Variants in ZSWIM6 observed in about 807,000 individuals in gnomAD.
ZSWIM6 encodes the protein zinc finger SWIM-type containing 6, also known as zinc finger SWIM domain-containing protein 6.
Under a neutral mutation model 113.2 loss-of-function variants are expected in ZSWIM6, and 9 were observed. That is an observed-to-expected ratio of 0.08 (90% CI 0.05 to 0.14). The LOEUF (loss-of-function observed/expected upper bound fraction) is 0.14. Among genes scored for constraint, ZSWIM6 ranks in the 10% least tolerant of loss-of-function variants. The pLI is 1.00. For synonymous variants in ZSWIM6, 611 were observed against 606.5 expected (o/e 1.01, Z -0.11); for missense variants, 1,162 against 1,552.2 (o/e 0.75, Z 4.22).
chr5:61,458,069 T>C (rs1477591013), intron 1 of ZSWIM6, among the ~76,000 whole-genome samples: 1 of 152,190 alleles, frequency 6.6e-6, no homozygotes, highest in African/African-American at 2.4e-5. Context: ...CATCACCTAT[T>C]CTCAAGAATG....
intron 1 of ZSWIM6, among the ~76,000 whole-genome samples, chr5:61,414,729 A>G (rs1013501400): frequency 2.6e-5 from 4 of 152,202 alleles, no homozygotes; most frequent in East Asian, 1.9e-4. Context: ...TGTGCTCATT[A>G]AATATGGTTG....
intron 2 of ZSWIM6, among the ~76,000 whole-genome samples, chr5:61,477,741 T>C (rs1747742609): frequency 6.6e-6 from 1 of 152,212 alleles, no homozygotes; most frequent in South Asian, 2.1e-4. Context: ...TAGCTCTTCA[T>C]TTTCATTTGA....
chr5:61,333,009 G>GGGCGGCGC, intron 1 of ZSWIM6, 61 bp downstream of exon 1: 1 of 439,908 alleles, frequency 2.3e-6, no homozygotes, highest in Non-Finnish European at 3.2e-6. Flanking sequence ...TGGGGGGGGG[G>GGGCGGCGC]TGCCCGCCTT....
At chr5:61,440,331 T>G (rs1373943162) in intron 1 of ZSWIM6, among the ~76,000 whole-genome samples, 1 of 103,210 alleles carries the variant, frequency 9.7e-6, no homozygotes, top group Non-Finnish European at 2.0e-5. Flanking sequence ...AAAAGAAAAA[T>G]GGCAGCCTCT....
At chr5:61,335,865 C>A (rs1393020926) in intron 1 of ZSWIM6, among the ~76,000 whole-genome samples, 2 of 152,130 alleles carry the variant, frequency 1.3e-5, no homozygotes, top group African/African-American at 4.8e-5. Flanking sequence ...AAAAAATAAA[C>A]CTTTGTTATA....
chr5:61,342,454 A>G (rs1174492841), intron 1 of ZSWIM6, among the ~76,000 whole-genome samples: 1 of 152,278 alleles, frequency 6.6e-6, no homozygotes, highest in Non-Finnish European at 1.5e-5. Context: ...CGTTTTACAG[A>G]TGAGGAAACC....
chr5:61,430,752 T>C (rs1296946030), intron 1 of ZSWIM6, among the ~76,000 whole-genome samples: 4 of 152,150 alleles, frequency 2.6e-5, no homozygotes, highest in Non-Finnish European at 5.9e-5. Flanking sequence ...ATTATGAAAA[T>C]GAATGATTTT....
At chr5:61,342,610 T>C (rs1744571780) in intron 1 of ZSWIM6, among the ~76,000 whole-genome samples, 1 of 152,218 alleles carries the variant, frequency 6.6e-6, no homozygotes, top group South Asian at 2.1e-4. Context: ...TTACAGTGTG[T>C]TGCTACTTTC....
chr5:61,469,544 C>T (rs1207233439), intron 1 of ZSWIM6, among the ~76,000 whole-genome samples: 1 of 152,116 alleles, frequency 6.6e-6, no homozygotes, highest in African/African-American at 2.4e-5. Flanking sequence ...TTTTAAGTAA[C>T]AAAACTGTAT....
Position 61,407,591 on chromosome 5 carries a change from A to G in ZSWIM6, c.677-65090A>G, listed in dbSNP as rs115169205. 7.7e-3 allele frequency among the ~76,000 whole-genome samples: 1,174 copies of G among 152,336 alleles called. 9 individuals are homozygous for G. Among genetic ancestry groups the G allele is most frequent in the African/African-American group, 0.027 (1,124 of 41,560 alleles). ...TATAAAAAAGATCTTTCAAAGTGTC[A>G]TACACAAAACACTGCTTTTCGAAAA... is the stretch of plus-strand genomic sequence containing the variant. On this transcript the variant is annotated intron_variant, in intron 1 of 13. Coordinates refer to ENST00000252744, the MANE Select transcript of ZSWIM6 (RefSeq NM_020928.2).
At chr5:61,445,767 G>C (rs1746937209) in intron 1 of ZSWIM6, among the ~76,000 whole-genome samples, 1 of 152,104 alleles carries the variant, frequency 6.6e-6, no homozygotes. Flanking sequence ...AATGAAAATT[G>C]AAAGCAAAAG....
At chr5:61,382,438 G>C (rs527556234) in intron 1 of ZSWIM6, among the ~76,000 whole-genome samples, 12 of 152,222 alleles carry the variant, frequency 7.9e-5, no homozygotes, top group African/African-American at 2.9e-4. Context: ...TGATGCCAAC[G>C]GTTCTTTCTT....
intron 1 of ZSWIM6, chr5:61,375,394 A>G (rs1745351350): frequency 1.3e-6 from 2 of 1,560,412 alleles, no homozygotes; most frequent in Non-Finnish European, 1.8e-6. Context: ...ACAGAGAAAG[A>G]AAAAAGAAAA....
intron 1 of ZSWIM6, among the ~76,000 whole-genome samples, chr5:61,346,663 G>A (rs1050982004): frequency 6.6e-6 from 1 of 152,184 alleles, no homozygotes; most frequent in African/African-American, 2.4e-5. Flanking sequence ...AGTTTGATTA[G>A]TGCTGTTTAG....
At chr5:61,466,526 T>C (rs1319362073) in intron 1 of ZSWIM6, among the ~76,000 whole-genome samples, 1 of 152,200 alleles carries the variant, frequency 6.6e-6, no homozygotes, top group Non-Finnish European at 1.5e-5. Flanking sequence ...TTAAATTCTT[T>C]TTCAACAAAG....
At chr5:61,436,359 C>G (rs1746707601) in intron 1 of ZSWIM6, among the ~76,000 whole-genome samples, 1 of 152,098 alleles carries the variant, frequency 6.6e-6, no homozygotes, top group Non-Finnish European at 1.5e-5. Flanking sequence ...ATTTCCTTCA[C>G]TTTAACTTAG....
At chr5:61,499,740 C>T (rs1213491700) in intron 4 of ZSWIM6, among the ~76,000 whole-genome samples, 1 of 152,058 alleles carries the variant, frequency 6.6e-6, no homozygotes, top group Non-Finnish European at 1.5e-5. Flanking sequence ...ATTTTCAATC[C>T]AACCTTGCTG....
chr5:61,537,205 C>G (rs1193452077), intron 10 of ZSWIM6, among the ~76,000 whole-genome samples: 2 of 152,230 alleles, frequency 1.3e-5, no homozygotes, highest in East Asian at 1.9e-4. Context: ...TTCTAACACT[C>G]ACAAACTCAT....
rs1270225828 is a variant in ZSWIM6, at chr5:61,332,806, C to CTCG, written c.534_535insTCG (p.Ala178_Ala179insSer). On this transcript the variant is annotated inframe_insertion, in exon 1 of 14. Coordinates refer to ENST00000252744, the MANE Select transcript of ZSWIM6 (RefSeq NM_020928.2). Reference sequence around the variant, plus strand: ...CCGCCGCCGCTGCCGCCGCCGCCGCCGCCGCCGCCGCCGCCGCGGGGGCCG... The same window carrying CTCG: ...CCGCCGCCGCTGCCGCCGCCGCCGCCTCGGCCGCCGCCGCCGCCGCGGGGGCCG... 4.3e-6 allele frequency: 4 copies of CTCG among 921,196 alleles called. No homozygotes were observed. The highest frequency in any genetic ancestry group is 5.1e-6 in the Non-Finnish European group (4 of 778,092). 57.1% of individuals were successfully genotyped at this position (921,196 alleles called of 1,614,324 possible).
Sources: gnomAD v4.1 joint callset for allele counts (sites outside exome capture counted in the v4.1 genomes callset) on GRCh38, gnomAD v4.1.1 for gene constraint, MANE v1.5 for transcripts, NCBI Gene and HGNC (gene_info 2026-07-23, HGNC 2026-07-21) for gene names.